TMEM33: variants seen among roughly 807,000 people sequenced by gnomAD.
TMEM33 encodes transmembrane protein 33.
Under a neutral mutation model 29.7 loss-of-function variants are expected in TMEM33, and 16 were observed. That is an observed-to-expected ratio of 0.54 (90% CI 0.36 to 0.82). TMEM33 has a LOEUF of 0.82. Ranked by LOEUF, TMEM33 falls within the 40% of genes least tolerant of loss-of-function variation. TMEM33 has a pLI of 0.00. For synonymous variants in TMEM33, 112 were observed against 109.4 expected (o/e 1.02, Z -0.15); for missense variants, 252 against 295.3 (o/e 0.85, Z 1.08).
intron 5 of TMEM33, among the ~76,000 whole-genome samples, 153 bp from the exon 6 acceptor site, chr4:41,949,149 T>A (rs1365433853): frequency 6.6e-6 from 1 of 152,160 alleles, no homozygotes; most frequent in Non-Finnish European, 1.5e-5. Flanking sequence ...TATCCTTTTT[T>A]AAGGATAACT....
At chr4:41,953,938 T>C (rs1284265140) in intron 6 of TMEM33, 132 bp from the exon 7 acceptor site, 1 of 1,090,202 alleles carries the variant, frequency 9.2e-7, no homozygotes, top group Non-Finnish European at 1.4e-6. Context: ...ACTGATAGTC[T>C]TGCTGTATGC....
intron 5 of TMEM33, 135 bp from the exon 6 acceptor site, chr4:41,949,167 A>G: frequency 1.9e-6 from 1 of 523,240 alleles, no homozygotes; most frequent in Non-Finnish European, 3.3e-6. Context: ...ACTTGGATTT[A>G]GACATGATAG....
chr4:41,947,812 T>C (rs565100071), intron 5 of TMEM33, among the ~76,000 whole-genome samples: 35 of 152,366 alleles, frequency 2.3e-4, no homozygotes, highest in Non-Finnish European at 4.7e-4. Flanking sequence ...GTGCCAGTAA[T>C]GCTTCAAGCT....
At chr4:41,943,238 G>T (rs1167969718) in intron 3 of TMEM33, among the ~76,000 whole-genome samples, 1 of 152,112 alleles carries the variant, frequency 6.6e-6, no homozygotes, top group African/African-American at 2.4e-5. Flanking sequence ...AAAGAACTGT[G>T]AATTGGCCGG....
chr4:41,935,198 C>T (rs1419038260), upstream of TMEM33: 2 of 553,886 alleles, frequency 3.6e-6, no homozygotes, highest in African/African-American at 3.8e-5. Context: ...GGGCTTCACC[C>T]CGAAGCTCCA....
Position 41,943,783 on chromosome 4 carries a change from A to G in TMEM33, c.365A>G (p.His122Arg). 2 of 1,613,870 alleles carry G rather than the reference A, an allele frequency of 1.2e-6. No homozygotes were observed. The highest frequency in any genetic ancestry group is 1.7e-6 in the Non-Finnish European group (2 of 1,179,920). ...CCAGTCTTGTTATTCTCTTTGCTTC[A>G]TGCTGCCACATATACGAAAAAGGTC... ...IFPVLLFSLL[H>R]AATYTKKVLD... Residue 122 changes from histidine to arginine, a missense_variant, in exon 4 of 7, where the codon CAT (histidine) becomes CGT (arginine). Coordinates refer to ENST00000504986, the MANE Select transcript of TMEM33 (RefSeq NM_018126.3).
Position 41,949,396 on chromosome 4 carries a change from G to A in TMEM33, c.614+11G>A. On this transcript the variant is annotated intron_variant, in intron 6 of 6. Transcript: ENST00000504986. ...AAACCCATATTGTCGGTAAGCTGATGATTATTTTAGGCATGTTTTATTTGT... is the reference window on the plus strand; with the variant it reads ...AAACCCATATTGTCGGTAAGCTGATAATTATTTTAGGCATGTTTTATTTGT... 1.3e-6 allele frequency: 2 copies of A among 1,591,784 alleles called. No individual in the cohort carries two copies. The highest frequency in any genetic ancestry group is 1.7e-6 in the Non-Finnish European group (2 of 1,164,772).
intron 1 of TMEM33, among the ~76,000 whole-genome samples, chr4:41,937,607 A>T (rs1043677285): frequency 1.3e-5 from 2 of 152,176 alleles, no homozygotes; most frequent in African/African-American, 2.4e-5. Context: ...AGCTATTTTT[A>T]AAAAATTAAA....
intron 3 of TMEM33, chr4:41,939,753 C>T (rs1324745004): frequency 2.2e-6 from 1 of 457,480 alleles, no homozygotes; most frequent in Non-Finnish European, 4.4e-6. Context: ...AAAGAGAGGT[C>T]CTCAGCTCTT....
At chr4:41,952,460 A>T (rs1713081539) in intron 6 of TMEM33, among the ~76,000 whole-genome samples, 1 of 152,230 alleles carries the variant, frequency 6.6e-6, no homozygotes, top group African/African-American at 2.4e-5. Flanking sequence ...ATGATCCTTC[A>T]TATCACTTAT....
chr4:41,949,182 C>A lies in TMEM33; in HGVS notation c.531-120C>A, dbSNP rs3804185. The A allele has an allele frequency of 6.0e-3, 3,488 of 585,054 alleles. 21 individuals carry two copies. The highest frequency in any genetic ancestry group is 0.02 in the East Asian group (642 of 32,742). 36.2% of individuals were successfully genotyped at this position (585,054 alleles called of 1,614,324 possible). On this transcript the variant is annotated intron_variant, in intron 5 of 6. Coordinates refer to ENST00000504986, the MANE Select transcript of TMEM33 (RefSeq NM_018126.3). ...ACTTGGATTTAGACATGATAGATTTCACTATGACCATTTGATGAATGAAGA... is the reference window on the plus strand; with the variant it reads ...ACTTGGATTTAGACATGATAGATTTAACTATGACCATTTGATGAATGAAGA...
chr4:41,944,091 G>T, intron 4 of TMEM33: 1 of 373,846 alleles, frequency 2.7e-6, no homozygotes, highest in African/African-American at 2.1e-5. Flanking sequence ...TTTGAAACCT[G>T]TGTCTCTAAA....
chr4:41,950,511 A>G (rs1342836544), intron 6 of TMEM33, among the ~76,000 whole-genome samples: 1 of 152,162 alleles, frequency 6.6e-6, no homozygotes, highest in Non-Finnish European at 1.5e-5. Context: ...TTTTAAAAGT[A>G]CTTAGACTGT....
chr4:41,939,611 A>G (rs1577647705), intron 3 of TMEM33: 2 of 591,088 alleles, frequency 3.4e-6, no homozygotes, highest in East Asian at 7.0e-5. Flanking sequence ...GCCTCTTGTA[A>G]GCTTCCCTAT....
intron 5 of TMEM33, among the ~76,000 whole-genome samples, chr4:41,948,870 G>C (rs914349718): frequency 2.0e-5 from 3 of 151,924 alleles, no homozygotes; most frequent in African/African-American, 7.2e-5. Context: ...AATTAGTATA[G>C]GCTGTTTAGA....
At chr4:41,949,560 G>A (rs1003851937) in intron 6 of TMEM33, among the ~76,000 whole-genome samples, 175 bp downstream of exon 6, 2 of 152,128 alleles carry the variant, frequency 1.3e-5, no homozygotes, top group Admixed American at 6.6e-5. Context: ...GGAAGTGGTT[G>A]TATTTGTTCT....
intron 3 of TMEM33, among the ~76,000 whole-genome samples, chr4:41,942,623 C>G (rs1167778917): frequency 6.6e-6 from 1 of 151,688 alleles, no homozygotes; most frequent in Non-Finnish European, 1.5e-5. Context: ...GACTAACAGT[C>G]TATATCATTT....
At chr4:41,935,551 T>C (rs2153126071) in intron 1 of TMEM33, 22 bp downstream of exon 1, 1 of 1,596,512 alleles carries the variant, frequency 6.3e-7, no homozygotes, top group Non-Finnish European at 8.5e-7. Context: ...GGCAGGGTAG[T>C]CTGGCTTGAT....
Position 41,954,988 on chromosome 4 carries a change from C to T in TMEM33, c.*789C>T, listed in dbSNP as rs1713199999. On this transcript the variant is annotated 3_prime_UTR_variant, in exon 7 of 7. Coordinates refer to ENST00000504986, the MANE Select transcript of TMEM33 (RefSeq NM_018126.3). ...TACTAATGTGGACATATAGATTATT[C>T]GTATTATAGTTTGTAGAACTACCTA... The T allele has an allele frequency of 6.6e-6, 1 of 152,662 alleles. No homozygotes were observed. The highest frequency in any genetic ancestry group is 2.4e-5 in the African/African-American group (1 of 41,546). 9.5% of individuals were successfully genotyped at this position (152,662 alleles called of 1,614,324 possible).
Sources: allele counts gnomAD v4.1 joint callset (sites outside exome capture counted in the v4.1 genomes callset), GRCh38; gene constraint gnomAD v4.1.1; transcripts MANE v1.5; gene names NCBI Gene and HGNC (gene_info 2026-07-23, HGNC 2026-07-21).